CCR6: variants seen among roughly 807,000 people sequenced by gnomAD.
The protein encoded by CCR6 is C-C motif chemokine receptor 6.
Under a neutral mutation model 3.0 loss-of-function variants are expected in CCR6, and 2 were observed. The observed-to-expected ratio is 0.66, with a 90% CI of 0.27 to 2.07. CCR6 has a LOEUF of 2.07. Among genes scored for constraint, CCR6 ranks in the 30% most tolerant of loss-of-function variants. The pLI is 0.14. For synonymous variants in CCR6, 193 were observed against 184.3 expected (o/e 1.05, Z -0.38); for missense variants, 322 against 462.8 (o/e 0.70, Z 2.79).
chr6:167,118,793 T>C (rs116370550), upstream of CCR6, among the ~76,000 whole-genome samples: 687 of 152,278 alleles, frequency 4.5e-3, 1 homozygote, highest in African/African-American at 0.015. Flanking sequence ...AGGAGGACTA[T>C]GACAACCCCA....
upstream of CCR6, among the ~76,000 whole-genome samples, chr6:167,122,266 T>C (rs1781600809): frequency 6.6e-6 from 1 of 152,236 alleles, no homozygotes; most frequent in Admixed American, 6.5e-5. The surrounding 1 kb of genome is among the most constrained non-coding windows in gnomAD (Gnocchi z 4.2). Flanking sequence ...ACTTTTGTTA[T>C]TTCCTGAGAC....
chr6:167,135,950 A>T, intron 1 of CCR6, 88 bp from the exon 2 acceptor site: 1 of 656,468 alleles, frequency 1.5e-6, no homozygotes, highest in Non-Finnish European at 2.7e-6. Context: ...CTCTGTTCAC[A>T]CGAGATGGAA....
upstream of CCR6, among the ~76,000 whole-genome samples, chr6:167,118,792 A>G (rs1413158518): frequency 1.3e-5 from 2 of 152,138 alleles, no homozygotes; most frequent in Non-Finnish European, 2.9e-5. Flanking sequence ...GAGGAGGACT[A>G]TGACAACCCC....
In CCR6 at chr6:167,136,787, A is replaced by C; in HGVS notation, c.557A>C (p.Asn186Thr). The C allele has an allele frequency of 1.2e-6, 2 of 1,614,002 alleles. No homozygotes were observed. The highest frequency in any genetic ancestry group is 1.7e-6 in the Non-Finnish European group (2 of 1,180,026). The change falls in exon 3 of 3, where the codon AAC becomes ACC. Residue 186 changes from asparagine to threonine, a missense_variant. Coordinates refer to ENST00000341935, the MANE Select transcript of CCR6 (RefSeq NM_031409.4). This position sits in a 1 kb window ranked among gnomAD's most constrained non-coding sequence, Gnocchi z 4.6. Reference protein sequence around the residue: ...VIISSSTFVFNQKYNTQGSDV... With the variant: ...VIISSSTFVFTQKYNTQGSDV... ...ATCTCCAGCTCAACTTTTGTCTTCAACCAAAAATACAACACCCAAGGCAGC... is the reference window on the plus strand; with the variant it reads ...ATCTCCAGCTCAACTTTTGTCTTCACCCAAAAATACAACACCCAAGGCAGC...
At chr6:167,132,565 G>A (rs563555914) in intron 1 of CCR6, among the ~76,000 whole-genome samples, 1 of 152,044 alleles carries the variant, frequency 6.6e-6, no homozygotes, top group Admixed American at 6.6e-5. Flanking sequence ...GTTTTGGACG[G>A]AGTCTCTCTC....
chr6:167,123,556 C>T (rs1340642348), intron 1 of CCR6, among the ~76,000 whole-genome samples: 1 of 152,154 alleles, frequency 6.6e-6, no homozygotes, highest in South Asian at 2.1e-4. Context: ...TGATCAAATA[C>T]ACTGAAAGAT....
At chr6:167,118,078 A>G (rs1470123655), upstream of CCR6, among the ~76,000 whole-genome samples, 1 of 151,914 alleles carries the variant, frequency 6.6e-6, no homozygotes. Flanking sequence ...ACATCCCAGC[A>G]GTTCCATCGG....
chr6:167,126,717 C>A (rs1781674119), intron 1 of CCR6: 1 of 152,292 alleles, frequency 6.6e-6, no homozygotes, highest in African/African-American at 2.4e-5. Flanking sequence ...CAAATCTCAT[C>A]TTGAATTGCA....
At chr6:167,119,113 C>T (rs1163898533), upstream of CCR6, 1 of 152,666 alleles carries the variant, frequency 6.6e-6, no homozygotes, top group Non-Finnish European at 1.5e-5. Flanking sequence ...CTGCTCTCCA[C>T]CTCGGTGCCT....
At chr6:167,124,855 A>C (rs1350846079) in intron 1 of CCR6, among the ~76,000 whole-genome samples, 1 of 151,824 alleles carries the variant, frequency 6.6e-6, no homozygotes. Context: ...GTCCATATGT[A>C]CACACACACA....
intron 1 of CCR6, chr6:167,117,165 C>A (rs903414815): frequency 6.6e-6 from 1 of 152,206 alleles, no homozygotes; most frequent in African/African-American, 2.4e-5. Flanking sequence ...GCTGCGTCTG[C>A]GACCACCTCA....
chr6:167,120,014 T>C (rs1413454646), upstream of CCR6, among the ~76,000 whole-genome samples: 2 of 152,216 alleles, frequency 1.3e-5, no homozygotes, highest in Non-Finnish European at 1.5e-5. Context: ...TTTAAAAACA[T>C]GTTCATTACT....
chr6:167,121,814 G>T (rs1781591677), upstream of CCR6, among the ~76,000 whole-genome samples: 1 of 152,196 alleles, frequency 6.6e-6, no homozygotes, highest in South Asian at 2.1e-4. Flanking sequence ...TGTAAGGCAG[G>T]GAGAGGAATG....
chr6:167,121,793 G>A (rs1215621315), upstream of CCR6, among the ~76,000 whole-genome samples: 1 of 152,208 alleles, frequency 6.6e-6, no homozygotes, highest in Non-Finnish European at 1.5e-5. Context: ...GGCTTTGTTT[G>A]GAAGGATTGT....
At position 167,136,219 on chromosome 6, in the gene CCR6, C is replaced by T; in HGVS notation, c.10-21C>T. 6.2e-7 allele frequency: 1 copy of T among 1,607,702 alleles called. No homozygotes were observed. Among genetic ancestry groups the T allele is most frequent in the Non-Finnish European group, 8.5e-7 (1 of 1,176,274 alleles). Reference sequence around the variant, plus strand: ...CTTGAACACTACACTGCAGCTAACTCTATCTTTGTTTCCTTTCCAGGAATC... The same window carrying T: ...CTTGAACACTACACTGCAGCTAACTTTATCTTTGTTTCCTTTCCAGGAATC... On this transcript the variant is annotated intron_variant, in intron 2 of 2. Coordinates refer to ENST00000341935, the MANE Select transcript of CCR6 (RefSeq NM_031409.4). This position sits in a 1 kb window ranked among gnomAD's most constrained non-coding sequence, Gnocchi z 4.6.
rs1189949566 is a variant in CCR6, at chr6:167,138,008, C to A, written c.*653C>A. The A allele has an allele frequency of 6.6e-6, 1 of 152,558 alleles. No individual in the cohort carries two copies. Among genetic ancestry groups the A allele is most frequent in the Admixed American group, 6.5e-5 (1 of 15,318 alleles). 9.5% of individuals were successfully genotyped at this position (152,558 alleles called of 1,614,324 possible). On this transcript the variant is annotated 3_prime_UTR_variant, in exon 3 of 3. Coordinates refer to ENST00000341935, the MANE Select transcript of CCR6 (RefSeq NM_031409.4). ...GAACAGGTGTTGGTGACAATTGTCA[C>A]CAATTGGATAAAGCAGCTCAGGTTG... is the stretch of plus-strand genomic sequence containing the variant.
chr6:167,114,683 G>C (rs1006344216), intron 1 of CCR6, among the ~76,000 whole-genome samples: 1 of 152,194 alleles, frequency 6.6e-6, no homozygotes. Flanking sequence ...TGACGTCACC[G>C]TGCACACGTC....
chr6:167,131,943 A>T (rs1781775363), intron 1 of CCR6, among the ~76,000 whole-genome samples: 1 of 152,192 alleles, frequency 6.6e-6, no homozygotes, highest in African/African-American at 2.4e-5. Flanking sequence ...AGGATAGAGG[A>T]CATTTCTGCC....
chr6:167,116,245 AG>A (rs1328072418), intron 1 of CCR6: 1 of 152,222 alleles, frequency 6.6e-6, no homozygotes, highest in East Asian at 1.9e-4. Context: ...TGGAGCCAGA[AG>A]GAGCGCTTTC....
Sources: allele counts gnomAD v4.1 joint callset (sites outside exome capture counted in the v4.1 genomes callset), GRCh38; gene constraint gnomAD v4.1.1; non-coding constraint Gnocchi (gnomAD v3.1); transcripts MANE v1.5; gene names NCBI Gene and HGNC (gene_info 2026-07-23, HGNC 2026-07-21).